The following SLC6A9 variants were observed in gnomAD, a reference collection of about 807,000 sequenced individuals.
The protein encoded by SLC6A9 is solute carrier family 6 member 9.
Under a neutral mutation model 70.9 loss-of-function variants are expected in SLC6A9, and 31 were observed. The observed-to-expected ratio is 0.44, with a 90% confidence interval of 0.33 to 0.59. The LOEUF is 0.59. Ranked by LOEUF, SLC6A9 falls within the 20% of genes least tolerant of loss-of-function variation. SLC6A9 has a pLI of 0.04. For synonymous variants in SLC6A9, 310 were observed against 341.3 expected, an observed-to-expected ratio of 0.91 and a Z score of 1.01; for missense variants, 631 against 845.2, an observed-to-expected ratio of 0.75 and a Z score of 3.14.
intron 1 of SLC6A9, among the ~76,000 whole-genome samples, chr1:44,026,268 G>A (rs537995592): frequency 6.6e-6 from 1 of 152,308 alleles, no homozygotes; most frequent in East Asian, 1.9e-4. Flanking sequence ...TCCCTCTCCA[G>A]GTGTAAACTC....
chr1:44,006,370 CT>C (rs1192221126), intron 5 of SLC6A9, among the ~76,000 whole-genome samples: 1 of 151,912 alleles, frequency 6.6e-6, no homozygotes, highest in African/African-American at 2.4e-5. Context: ...GGTGGATCAC[CT>C]GAGGTCAGGA....
At position 44,017,107 on chromosome 1, in the gene SLC6A9, C is replaced by T. The variant is rs201727215; in HGVS notation, c.31-6225G>A. 47 of 1,605,504 alleles carry T rather than the reference C, an allele frequency of 2.9e-5. No homozygotes were observed. In the East Asian group the frequency reaches 6.6e-4, roughly 23 times the overall value. On this transcript the variant is annotated intron_variant, in intron 2 of 13. Transcript: ENST00000372310. ...CCGCGGCCATCCTGGGGCGAGCGAT[C>T]GCAGCCCGCGTGTCTCCGCCGCTCA...
At chr1:44,020,876 C>A (rs2086869030) in intron 2 of SLC6A9, among the ~76,000 whole-genome samples, 1 of 152,212 alleles carries the variant, frequency 6.6e-6, no homozygotes, top group Admixed American at 6.5e-5. Context: ...CACTCTGGCA[C>A]CCAGAACCCT....
chr1:44,010,425 C>T (rs2086504683), intron 3 of SLC6A9: 1 of 416,168 alleles, frequency 2.4e-6, no homozygotes, highest in Non-Finnish European at 4.2e-6. Flanking sequence ...GGCTGCTGAA[C>T]CCCAGGGAAT....
intron 5 of SLC6A9, 127 bp from the exon 6 acceptor site, chr1:44,003,112 A>G (rs1225080474): frequency 2.7e-5 from 30 of 1,127,800 alleles, no homozygotes; most frequent in Non-Finnish European, 3.6e-5. Flanking sequence ...CTTGTGTGAC[A>G]TGGGAGCTAC....
intron 2 of SLC6A9, among the ~76,000 whole-genome samples, chr1:44,021,177 C>T (rs1466451074): frequency 6.6e-6 from 1 of 152,168 alleles, no homozygotes; most frequent in African/African-American, 2.4e-5. Flanking sequence ...CCCTGCTCCG[C>T]ACGTGTATGA....
intron 5 of SLC6A9, among the ~76,000 whole-genome samples, chr1:44,006,741 C>T (rs1441868333): frequency 6.6e-6 from 1 of 152,178 alleles, no homozygotes; most frequent in Non-Finnish European, 1.5e-5. Context: ...TCTGCCCATG[C>T]CCCTCTGGGG....
chr1:44,010,982 C>A lies in SLC6A9; in HGVS notation c.31-100G>T, dbSNP rs976062814. The A allele has an allele frequency of 6.1e-5, 78 of 1,281,272 alleles. No individual in the cohort carries two copies. In the Admixed American group the frequency reaches 6.6e-4, roughly 11 times the overall value. The allele number at this position is 1,281,272 out of a possible 1,614,324, so 79.4% of individuals were successfully genotyped here. ...CAGGGAAACCGTGGCCCCTCCAACA[C>A]CCCTCCCCGGGCTTCCCCTCTGCTG... On this transcript the variant is annotated intron_variant, in intron 2 of 13. Transcript: ENST00000372310.
In SLC6A9 at chr1:44,002,509, C is replaced by T. The variant is rs1249220970; in HGVS notation, c.858+3G>A. 2.5e-6 allele frequency: 4 copies of T among 1,614,158 alleles called. No homozygotes were observed. The African/African-American group carries it at 4.0e-5, about 16-fold the overall frequency. ...CCCCCTTCCGGTTTCCCTCACTTCC[C>T]ACCTTGGCCTCCAGGATCTTGTCCC... On this transcript the variant is annotated splice_donor_region_variant and intron_variant, in intron 7 of 13. Transcript: ENST00000372310. The surrounding 1 kb of genome is among the most constrained non-coding windows in gnomAD (Gnocchi z 5.5).
rs1412322282 is a variant in SLC6A9 at position 44,010,768 on chromosome 1, T to C, written c.145A>G (p.Asn49Asp). 1 of 1,614,146 alleles carries C rather than the reference T, an allele frequency of 6.2e-7. No homozygotes were observed. The highest frequency in any genetic ancestry group is 8.5e-7 in the Non-Finnish European group (1 of 1,180,006). The change falls in exon 3 of 14, where the codon AAT becomes GAT. Residue 49 changes from asparagine to aspartate, a missense_variant. Transcript: ENST00000372310. ...CAGAGGTATGGGAAGCGCCAGACAT[T>C]GCCCAGGCCCACGGCATAGCCCACG... ...TSVGYAVGLG[N>D]VWRFPYLCYR...
rs76038188 is a variant in SLC6A9, at chr1:44,000,938, G to A, written c.1435+18C>T. On this transcript the variant is annotated intron_variant, in intron 11 of 13. Transcript: ENST00000372310. ...GCCAAGGGCCGGGTCGCGGGAGGCC[G>A]GAGGCTCGAGTGCTCACCGTAGATG... is the stretch of plus-strand genomic sequence containing the variant. The A allele has an allele frequency of 0.022, 34,995 of 1,601,904 alleles. 827 individuals carry two copies. The highest frequency in any genetic ancestry group is 0.12 in the African/African-American group (9,155 of 74,728).
At chr1:44,017,610 C>A (rs753990660) in intron 2 of SLC6A9, among the ~76,000 whole-genome samples, 11 of 152,216 alleles carry the variant, frequency 7.2e-5, no homozygotes, top group Non-Finnish European at 1.5e-4. Context: ...ACCACCAGAG[C>A]AGCTCAGGCT....
In SLC6A9 at chr1:44,001,549, G is replaced by A. The variant is rs2086106979; in HGVS notation, c.1041C>T (p.Phe347=). The part of the protein sequence containing the change: ...AGFVIFSILG[F]MANHLGVDVS... Reference sequence around the variant, plus strand: ...CATCCACGCCCAGGTGATTGGCCATGAAGCCGAGGATGGAGAAGATGACGA... The same window carrying A: ...CATCCACGCCCAGGTGATTGGCCATAAAGCCGAGGATGGAGAAGATGACGA... The change falls in exon 9 of 14, where the codon TTC becomes TTT. Residue 347 remains phenylalanine (F), a synonymous_variant. Coordinates refer to ENST00000372310, the MANE Select transcript of SLC6A9 (RefSeq NM_001024845.3). The A allele has an allele frequency of 6.2e-7, 1 of 1,614,152 alleles. No homozygotes were observed. The highest frequency in any genetic ancestry group is 1.3e-5 in the African/African-American group (1 of 74,958).
Position 43,997,344 on chromosome 1 carries a change from C to T in SLC6A9, c.*201G>A. On this transcript the variant is annotated 3_prime_UTR_variant, in exon 14 of 14. Coordinates refer to ENST00000372310, the MANE Select transcript of SLC6A9 (RefSeq NM_001024845.3). This position sits in a 1 kb window ranked among gnomAD's most constrained non-coding sequence, Gnocchi z 4.4. The stretch of plus-strand genomic sequence containing the variant: ...CCTCCACTCCCACCCCTCCCCCCAG[C>T]TGCTATCTTGGCATCCAAAGGACAT... The T allele has an allele frequency of 1.7e-6, 1 of 583,200 alleles. No individual in the cohort carries two copies. The highest frequency in any genetic ancestry group is 3.0e-6 in the Non-Finnish European group (1 of 331,800). The allele number at this position is 583,200 out of a possible 1,614,324, so 36.1% of individuals were successfully genotyped here.
At position 43,997,385 on chromosome 1, in the gene SLC6A9, A is replaced by G; in HGVS notation, c.*160T>C. ...CAAAGGACATGTAAACACTGGGGAC[A>G]TGAGCATGAATGACTGCACTAGCAG... On this transcript the variant is annotated 3_prime_UTR_variant, in exon 14 of 14. Transcript: ENST00000372310. This position sits in a 1 kb window ranked among gnomAD's most constrained non-coding sequence, Gnocchi z 4.4. 1.5e-6 allele frequency: 1 copy of G among 657,220 alleles called. No homozygotes were observed. Among genetic ancestry groups the G allele is most frequent in the Non-Finnish European group, 2.7e-6 (1 of 373,670 alleles). 40.7% of individuals were successfully genotyped at this position (657,220 alleles called of 1,614,324 possible).
Position 43,997,673 on chromosome 1 carries a change from G to A in SLC6A9, c.1774C>T (p.Arg592Cys), listed in dbSNP as rs1477414178. The A allele has an allele frequency of 1.5e-5, 24 of 1,613,176 alleles. No homozygotes were observed. The highest frequency in any genetic ancestry group is 2.2e-5 in the South Asian group (2 of 91,060). ...GPALLEHRTG[R>C]YAPTIAPSPE... ...GAGGGGGCTATGGTGGGGGCGTAGC[G>A]CCCTGTCCGGTGCTCCAGGAGGGCA... Residue 592 changes from arginine (R) to cysteine (C), a missense_variant, in exon 14 of 14, where the codon CGC (arginine) becomes TGC (cysteine). By Grantham distance (180) the Arg-to-Cys change is radical. Transcript: ENST00000372310. This position sits in a 1 kb window ranked among gnomAD's most constrained non-coding sequence, Gnocchi z 4.4.
intron 5 of SLC6A9, 69 bp downstream of exon 5, chr1:44,008,284 A>C: frequency 1.3e-6 from 2 of 1,517,670 alleles, no homozygotes; most frequent in Admixed American, 1.7e-5. Context: ...CTTTGTCTTC[A>C]GATGGTTGCC....
intron 1 of SLC6A9, among the ~76,000 whole-genome samples, chr1:44,027,434 T>C (rs1291227286): frequency 1.3e-5 from 2 of 152,216 alleles, no homozygotes; most frequent in African/African-American, 2.4e-5. Context: ...CCCTCCAATC[T>C]GTTAATCTTC....
chr1:44,020,624 T>C (rs1007695790), intron 2 of SLC6A9, among the ~76,000 whole-genome samples: 1 of 152,078 alleles, frequency 6.6e-6, no homozygotes, highest in Non-Finnish European at 1.5e-5. Flanking sequence ...ACCAAGGGAG[T>C]GTCCAAGGTG....
Sources: allele counts gnomAD v4.1 joint callset (sites outside exome capture counted in the v4.1 genomes callset), GRCh38; gene constraint gnomAD v4.1.1; non-coding constraint Gnocchi (gnomAD v3.1); transcripts MANE v1.5; gene names NCBI Gene and HGNC (gene_info 2026-07-23, HGNC 2026-07-21).